BABAM2: variants seen among roughly 807,000 people sequenced by gnomAD.
The protein encoded by BABAM2 is BRISC and BRCA1 A complex member 2.
Under a neutral mutation model 54.7 loss-of-function variants are expected in BABAM2, and 31 were observed. That is an observed-to-expected ratio of 0.57 (90% CI 0.43 to 0.77). The LOEUF (loss-of-function observed/expected upper bound fraction) is 0.77, where lower values mean the gene tolerates loss of function less well. BABAM2 is among the 30% of genes least tolerant of loss of function. The pLI is 0.00. For synonymous variants in BABAM2, 167 were observed against 162.9 expected, an observed-to-expected ratio of 1.03 and a Z score of -0.19; for missense variants, 364 against 455.8, an observed-to-expected ratio of 0.80 and a Z score of 1.83.
chr2:28,153,257 G>C (rs998527507), intron 7 of BABAM2, among the ~76,000 whole-genome samples: 1 of 152,054 alleles, frequency 6.6e-6, no homozygotes, highest in Non-Finnish European at 1.5e-5. Context: ...TACTTAATAG[G>C]CCTTAAATTG....
chr2:28,219,584 A>G (rs1258141562), intron 7 of BABAM2, among the ~76,000 whole-genome samples: 1 of 152,054 alleles, frequency 6.6e-6, no homozygotes, highest in African/African-American at 2.4e-5. Flanking sequence ...TTGGGGAGCC[A>G]TCATTCTGCC....
intron 11 of BABAM2, chr2:28,310,057 G>A: frequency 6.2e-7 from 1 of 1,611,632 alleles, no homozygotes; most frequent in South Asian, 1.1e-5. Context: ...TATCTTAAAG[G>A]GATTTGGTTT....
At chr2:28,075,728 G>A (rs1321081544) in intron 6 of BABAM2, among the ~76,000 whole-genome samples, 1 of 152,092 alleles carries the variant, frequency 6.6e-6, no homozygotes, top group Non-Finnish European at 1.5e-5. Context: ...CTACTTATAT[G>A]TCAGAAGTCA....
chr2:28,005,274 A>G (rs1673876121), intron 4 of BABAM2, among the ~76,000 whole-genome samples: 1 of 152,192 alleles, frequency 6.6e-6, no homozygotes. Context: ...GAATTAGAAA[A>G]TCTGTCATAG....
intron 7 of BABAM2, among the ~76,000 whole-genome samples, chr2:28,168,160 G>A (rs76920234): frequency 2.6e-4 from 39 of 152,284 alleles, no homozygotes; most frequent in South Asian, 6.2e-4. Flanking sequence ...TGGTCTAGAC[G>A]TAGAAGCTGC....
chr2:28,069,644 T>A (rs1663943167), intron 6 of BABAM2, among the ~76,000 whole-genome samples: 1 of 152,156 alleles, frequency 6.6e-6, no homozygotes. Flanking sequence ...ATGCAAGCAG[T>A]GGATAAATGC....
chr2:28,194,557 G>T (rs975843321), intron 7 of BABAM2, among the ~76,000 whole-genome samples: 38 of 141,150 alleles, frequency 2.7e-4, no homozygotes, highest in Non-Finnish European at 4.9e-4. Context: ...ACAATTTGTT[G>T]TATGATTACA....
chr2:28,240,405 T>A (rs1383266621), intron 8 of BABAM2, among the ~76,000 whole-genome samples: 5 of 152,112 alleles, frequency 3.3e-5, no homozygotes, highest in Non-Finnish European at 7.4e-5. Flanking sequence ...ATTATATGAG[T>A]GAGATTCCAC....
chr2:28,283,619 A>G (rs769930029), intron 10 of BABAM2, among the ~76,000 whole-genome samples: 2 of 152,202 alleles, frequency 1.3e-5, no homozygotes, highest in East Asian at 1.9e-4. Context: ...TGGTACATAG[A>G]TACACTAACC....
At chr2:28,190,431 A>C (rs190271001) in intron 7 of BABAM2, among the ~76,000 whole-genome samples, 1 of 152,280 alleles carries the variant, frequency 6.6e-6, no homozygotes, top group East Asian at 1.9e-4. Flanking sequence ...TCACACCTGT[A>C]ATTCTAGCAC....
chr2:27,957,947 G>C (rs1670208101), intron 3 of BABAM2, among the ~76,000 whole-genome samples: 1 of 152,148 alleles, frequency 6.6e-6, no homozygotes, highest in African/African-American at 2.4e-5. Context: ...CATGCTGTCA[G>C]GTAGCCAAAC....
At chr2:27,959,899 G>T (rs1015656432) in intron 3 of BABAM2, among the ~76,000 whole-genome samples, 7 of 151,686 alleles carry the variant, frequency 4.6e-5, no homozygotes, top group Non-Finnish European at 1.0e-4. Flanking sequence ...TTTTACTCTG[G>T]TCATAGTTTT....
chr2:28,166,205 G>T (rs1287008712), intron 7 of BABAM2, among the ~76,000 whole-genome samples: 9 of 152,146 alleles, frequency 5.9e-5, no homozygotes, highest in Admixed American at 6.5e-5. Flanking sequence ...GTAGTACTTT[G>T]TTATGGCAGC....
chr2:28,234,400 A>C (rs1297056203), intron 7 of BABAM2, among the ~76,000 whole-genome samples: 1 of 151,918 alleles, frequency 6.6e-6, no homozygotes, highest in Non-Finnish European at 1.5e-5. Context: ...ATTACAGGTA[A>C]TTTTTGTCTA....
At chr2:27,912,848 T>A (rs1666706827) in intron 2 of BABAM2, among the ~76,000 whole-genome samples, 1 of 152,210 alleles carries the variant, frequency 6.6e-6, no homozygotes, top group Admixed American at 6.5e-5. Flanking sequence ...GTCAGACAGA[T>A]AACCTGATGA....
chr2:27,963,312 A>G (rs879862026), intron 3 of BABAM2, among the ~76,000 whole-genome samples: 5 of 152,130 alleles, frequency 3.3e-5, no homozygotes, highest in Non-Finnish European at 7.4e-5. Context: ...TCTACTAAAA[A>G]TACAGAAATT....
chr2:28,310,229 C>G, intron 11 of BABAM2: 4 of 1,436,344 alleles, frequency 2.8e-6, no homozygotes, highest in East Asian at 2.3e-5. Flanking sequence ...AAAAGCCTGG[C>G]CATCAATTAC....
chr2:27,889,196 G>C (rs949549195), upstream of BABAM2, among the ~76,000 whole-genome samples: 1 of 152,126 alleles, frequency 6.6e-6, no homozygotes, highest in African/African-American at 2.4e-5. Flanking sequence ...AGGTTAAATT[G>C]GTTACATGAA....
rs1396252531 is a variant in BABAM2, at chr2:28,026,870, A to G, written c.495+1450A>G. ...TATATATTTATATATATAGATATATATATTTATATATATATAGATATATAT... is the reference window on the plus strand; with the variant it reads ...TATATATTTATATATATAGATATATGTATTTATATATATATAGATATATAT... On this transcript the variant is annotated intron_variant, in intron 5 of 11. Transcript: ENST00000379624. Among the ~76,000 whole-genome samples the G allele has an allele frequency of 3.8e-3, 287 of 75,470 alleles. 9 individuals are homozygous for G. The highest frequency in any genetic ancestry group is 5.6e-3 in the Middle Eastern group (1 of 180). The allele number at this position is 75,470 out of a possible 152,430, so 49.5% of individuals were successfully genotyped here.
Sources: gnomAD v4.1 joint callset for allele counts (sites outside exome capture counted in the v4.1 genomes callset) on GRCh38, gnomAD v4.1.1 for gene constraint, MANE v1.5 for transcripts, NCBI Gene and HGNC (gene_info 2026-07-23, HGNC 2026-07-21) for gene names.